The following ANKRD26 variants were observed in gnomAD, a reference collection of about 807,000 sequenced individuals.
The protein encoded by ANKRD26 is ankyrin repeat domain 26.
A neutral mutation model predicts 208.7 loss-of-function variants in ANKRD26; 141 were observed. That is an observed-to-expected ratio of 0.68 (90% CI 0.59 to 0.78). The LOEUF (loss-of-function observed/expected upper bound fraction) is 0.78, where lower values mean the gene tolerates loss of function less well. Ranked by LOEUF, ANKRD26 falls within the 30% of genes least tolerant of loss-of-function variation. ANKRD26 has a pLI of 0.00. For synonymous variants in ANKRD26, 636 were observed against 660.4 expected (o/e 0.96, Z 0.57); for missense variants, 1,889 against 1,938.7 (o/e 0.97, Z 0.48).
intron 4 of ANKRD26, 152 bp from the exon 5 acceptor site, chr10:27,086,761 CTTTTTTG>C (rs2056129971): frequency 1.1e-5 from 4 of 377,742 alleles, no homozygotes; most frequent in Admixed American, 6.3e-5. Context: ...GCTCTACAAA[CTTTTTTG>C]TTTTTTTTTT....
intron 25 of ANKRD26, among the ~76,000 whole-genome samples, chr10:27,032,323 A>G (rs2053891344): frequency 6.6e-6 from 1 of 152,040 alleles, no homozygotes. Flanking sequence ...ACAGGGTGAA[A>G]CCCCATCTCT....
intron 7 of ANKRD26, 43 bp from the exon 8 acceptor site, chr10:27,077,736 T>C (rs777783197): frequency 5.9e-6 from 9 of 1,514,254 alleles, no homozygotes; most frequent in Admixed American, 3.4e-5. Context: ...AAAAAACAAG[T>C]ATCAAATTTG....
the ANKRD26 span, among the ~76,000 whole-genome samples, chr10:26,967,160 T>C: frequency 2.6e-5 from 4 of 152,192 alleles, no homozygotes; most frequent in African/African-American, 9.7e-5. Context: ...AAAATAACAT[T>C]TGCCATCTCT....
At chr10:26,975,901 CA>C (rs1262875881) in exon 6 of ANKRD26, among the ~76,000 whole-genome samples, 1 of 151,694 alleles carries the variant, frequency 6.6e-6, no homozygotes, top group African/African-American at 2.4e-5. Flanking sequence ...CAACTTACCA[CA>C]AGGGTTGTTT....
chr10:27,082,234 A>C (rs1192851501), intron 6 of ANKRD26, among the ~76,000 whole-genome samples: 3 of 152,158 alleles, frequency 2.0e-5, no homozygotes, highest in African/African-American at 7.2e-5. Flanking sequence ...TATGGTCTAT[A>C]GGTAAATAGT....
Position 27,067,142 on chromosome 10 carries a change from T to C in ANKRD26, c.1207+15A>G, listed in dbSNP as rs115864032. ...TTAAGGATAGAAAAATATTCAGAGA[T>C]ATCCACTAACTTACCACTTCTATTA... On this transcript the variant is annotated intron_variant, in intron 10 of 33. Coordinates refer to ENST00000376087, the MANE Select transcript of ANKRD26 (RefSeq NM_014915.3). 56,004 of 1,610,764 alleles carry C rather than the reference T, an allele frequency of 0.035. 1,036 individuals carry two copies. Among genetic ancestry groups the C allele is most frequent in the Non-Finnish European group, 0.037 (43,349 of 1,178,004 alleles).
chr10:26,984,693 G>A (rs967261145), intron 3 of ANKRD26, among the ~76,000 whole-genome samples: 1 of 152,164 alleles, frequency 6.6e-6, no homozygotes, highest in South Asian at 2.1e-4. Context: ...GAAAAGTTGG[G>A]TCGGTTATTT....
rs1432764416 is a variant in ANKRD26 at position 27,005,337 on chromosome 10, T to C, written c.*253A>G. 2.6e-6 allele frequency: 3 copies of C among 1,171,062 alleles called. No homozygotes were observed. The highest frequency in any genetic ancestry group is 1.6e-5 in the African/African-American group (1 of 62,582). The allele number at this position is 1,171,062 out of a possible 1,614,324, so 72.5% of individuals were successfully genotyped here. On this transcript the variant is annotated 3_prime_UTR_variant, in exon 34 of 34. Coordinates refer to ENST00000376087, the MANE Select transcript of ANKRD26 (RefSeq NM_014915.3). Reference sequence around the variant, plus strand: ...CTGCACTAAAGTATTAATGACAACTTAGTGGTTTGGCTGTTTAAACAGCTC... The same window carrying C: ...CTGCACTAAAGTATTAATGACAACTCAGTGGTTTGGCTGTTTAAACAGCTC...
the ANKRD26 span, among the ~76,000 whole-genome samples, chr10:26,963,716 G>C: frequency 3.3e-5 from 5 of 151,894 alleles, no homozygotes; most frequent in Non-Finnish European, 7.4e-5. Flanking sequence ...ATATAACAGG[G>C]CATAGTGTTT....
chr10:27,060,656 T>C, intron 13 of ANKRD26, 116 bp from the exon 14 acceptor site: 1 of 842,440 alleles, frequency 1.2e-6, no homozygotes, highest in South Asian at 1.6e-5. Context: ...AATGATTATG[T>C]TAATTTTTGG....
chr10:27,026,804 A>G (rs2053673050), intron 27 of ANKRD26, among the ~76,000 whole-genome samples: 2 of 151,454 alleles, frequency 1.3e-5, no homozygotes, highest in African/African-American at 4.9e-5. Flanking sequence ...GGTTTTTTTT[A>G]GTTTTTTTTT....
chr10:26,977,861 C>T (rs1009338722), intron 5 of ANKRD26, among the ~76,000 whole-genome samples: 7 of 152,142 alleles, frequency 4.6e-5, no homozygotes, highest in Non-Finnish European at 7.4e-5. Context: ...CTTCTGAACG[C>T]CCTAACACTA....
intron 29 of ANKRD26, among the ~76,000 whole-genome samples, chr10:27,020,633 A>G (rs1003865336): frequency 2.6e-5 from 4 of 152,156 alleles, no homozygotes; most frequent in Non-Finnish European, 5.9e-5. Flanking sequence ...TTTTGGCTGA[A>G]TAACATTCCA....
intron 5 of ANKRD26, among the ~76,000 whole-genome samples, chr10:26,979,760 G>A (rs1029601131): frequency 2.0e-5 from 3 of 152,142 alleles, no homozygotes; most frequent in African/African-American, 7.2e-5. Context: ...CTCCTGCTGT[G>A]GCTTCCACTT....
chr10:27,057,948 AAAG>A (rs1416423457), intron 15 of ANKRD26, among the ~76,000 whole-genome samples: 3 of 151,946 alleles, frequency 2.0e-5, no homozygotes, highest in Non-Finnish European at 4.4e-5. Context: ...AAAAAAAAAA[AAAG>A]AAAAAAGAAA....
At chr10:27,060,232 C>T in intron 15 of ANKRD26, 113 bp downstream of exon 15, 1 of 1,112,126 alleles carries the variant, frequency 9.0e-7, no homozygotes, top group Non-Finnish European at 1.3e-6. Context: ...TAAATCCTTC[C>T]AACAAATTTG....
the ANKRD26 span, among the ~76,000 whole-genome samples, chr10:26,968,436 G>C: frequency 6.6e-6 from 1 of 152,136 alleles, no homozygotes; most frequent in Admixed American, 6.5e-5. Context: ...TGCTCACCCT[G>C]AATGTGCTAC....
chr10:27,082,346 C>T (rs1289769372), intron 6 of ANKRD26, among the ~76,000 whole-genome samples: 1 of 152,170 alleles, frequency 6.6e-6, no homozygotes, highest in Non-Finnish European at 1.5e-5. Flanking sequence ...GGCCTAAAAC[C>T]TTTGATGATA....
chr10:26,957,199 G>A, the ANKRD26 span, among the ~76,000 whole-genome samples: 1 of 152,132 alleles, frequency 6.6e-6, no homozygotes, highest in African/African-American at 2.4e-5. Flanking sequence ...CTTGAGACTA[G>A]GAGTTCAAGA....
Sources: gnomAD v4.1 joint callset for allele counts (sites outside exome capture counted in the v4.1 genomes callset) on GRCh38, gnomAD v4.1.1 for gene constraint, MANE v1.5 for transcripts, NCBI Gene and HGNC (gene_info 2026-07-23, HGNC 2026-07-21) for gene names.